The following STARD10 variants were observed in gnomAD, a reference collection of about 807,000 sequenced individuals.
STARD10 encodes START domain-containing protein 10.
STARD10 carries 24 observed loss-of-function variants against 36.0 expected under a neutral mutation model. That is an observed-to-expected ratio of 0.67 (90% CI 0.48 to 0.94). STARD10 has a LOEUF of 0.94. Among genes scored for constraint, STARD10 ranks in the 40% least tolerant of loss-of-function variants. The pLI, the probability that STARD10 is intolerant of heterozygous loss-of-function variation, is 0.00. For missense variants in STARD10, 335 were observed against 396.6 expected (o/e 0.84, Z 1.32); for synonymous variants, 156 against 161.9 (o/e 0.96, Z 0.28).
intron 2 of STARD10, among the ~76,000 whole-genome samples, chr11:72,773,828 G>A (rs556252490): frequency 1.2e-4 from 19 of 152,268 alleles, no homozygotes; most frequent in African/African-American, 3.6e-4. Context: ...TATTTTGCTC[G>A]TCACCCGTTC....
At chr11:72,785,011 T>C (rs994486254) in intron 1 of STARD10, among the ~76,000 whole-genome samples, 1 of 152,150 alleles carries the variant, frequency 6.6e-6, no homozygotes, top group Non-Finnish European at 1.5e-5. Context: ...TAACTCAGGA[T>C]TGATCTAGAC....
chr11:72,781,306 G>T lies in STARD10; in HGVS notation c.-113-12C>A. On this transcript the variant is annotated splice_polypyrimidine_tract_variant and intron_variant, in intron 1 of 6. Coordinates refer to ENST00000334805, the MANE Select transcript of STARD10 (RefSeq NM_006645.3). The surrounding 1 kb of genome is among the most constrained non-coding windows in gnomAD (Gnocchi z 4.7). ...CACCTTCCTGGGACCTGCAAGACCG[G>T]TTTGGGGACGGGAATCAGTGCGCTG... 1.3e-6 allele frequency: 1 copy of T among 794,146 alleles called. No individual in the cohort carries two copies. 49.2% of individuals were successfully genotyped at this position (794,146 alleles called of 1,614,324 possible). A position where few individuals can be genotyped will look rare whatever the true frequency, so the allele number is the denominator to read the frequency against.
At chr11:72,767,387 G>C (rs943028510) in intron 2 of STARD10, among the ~76,000 whole-genome samples, 1 of 152,198 alleles carries the variant, frequency 6.6e-6, no homozygotes, top group Non-Finnish European at 1.5e-5. Flanking sequence ...CCAGAAGGAA[G>C]CATCGCCCCC....
In STARD10 at chr11:72,755,521, G is replaced by A. The variant is rs1219503094; in HGVS notation, c.630+180C>T. 4.2e-6 allele frequency: 3 copies of A among 709,540 alleles called. No homozygotes were observed. The Admixed American group carries it at 6.2e-5, about 15-fold the overall frequency. The allele number at this position is 709,540 out of a possible 1,614,324, so 44.0% of individuals were successfully genotyped here. ...AGACAGGGTTTCACCATGTTGGCCAGGCTGGTCTTGAACTCCCGACCTCAG... is the reference window on the plus strand; with the variant it reads ...AGACAGGGTTTCACCATGTTGGCCAAGCTGGTCTTGAACTCCCGACCTCAG... On this transcript the variant is annotated intron_variant, in intron 6 of 6. Coordinates refer to ENST00000334805, the MANE Select transcript of STARD10 (RefSeq NM_006645.3).
At chr11:72,767,718 G>A (rs1449049484) in intron 2 of STARD10, among the ~76,000 whole-genome samples, 1 of 152,190 alleles carries the variant, frequency 6.6e-6, no homozygotes, top group African/African-American at 2.4e-5. Context: ...CCTGTCGCCT[G>A]CAGGCCCAGA....
At chr11:72,788,003 G>C (rs533673032) in intron 1 of STARD10, among the ~76,000 whole-genome samples, 118 of 147,454 alleles carry the variant, frequency 8.0e-4, no homozygotes, top group South Asian at 2.3e-3. Context: ...GAGAGGTTTG[G>C]GGGGGGCAGC....
At position 72,788,612 on chromosome 11, in the gene STARD10, A is replaced by G. The variant is rs552894450; in HGVS notation, c.-114+4263T>C. 5.6e-4 allele frequency among the ~76,000 whole-genome samples: 84 copies of G among 149,732 alleles called. 1 individual carries two copies. Among genetic ancestry groups the G allele is most frequent in the South Asian group, 2.7e-3 (13 of 4,760 alleles). ...TAGATGGCGTCTCACTCTGTTGCCC[A>G]GGCTGGAGTGCAGTAGCACGATCTC... On this transcript the variant is annotated intron_variant, in intron 1 of 6. Coordinates refer to ENST00000334805, the MANE Select transcript of STARD10 (RefSeq NM_006645.3).
chr11:72,771,013 T>G, intron 2 of STARD10, among the ~76,000 whole-genome samples: 1 of 152,224 alleles, frequency 6.6e-6, no homozygotes, highest in East Asian at 1.9e-4. Flanking sequence ...TGTGCCAGGC[T>G]CTGTGCTAAG....
rs754062872 is a variant in STARD10 at position 72,759,339 on chromosome 11, C to T, written c.250G>A (p.Asp84Asn). The T allele has an allele frequency of 2.3e-5, 37 of 1,613,494 alleles. No homozygotes were observed. Among genetic ancestry groups the T allele is most frequent in the Middle Eastern group, 1.6e-4 (1 of 6,076 alleles). The part of the protein sequence containing the change: ...CCDVPAETLY[D>N]VLHDIEYRKK... ...CGGTACTCAATGTCGTGTAGGACGT[C>T]GTAGAGTGTCTCGGCTGGCACATCA... The change falls in exon 3 of 7, where the codon GAC becomes AAC. Residue 84 changes from aspartate (D) to asparagine (N), a missense_variant. Asp to Asn is a conservative substitution (Grantham distance 23). Transcript: ENST00000334805.
intron 2 of STARD10, among the ~76,000 whole-genome samples, chr11:72,778,947 G>A (rs1179277418): frequency 6.6e-6 from 1 of 152,194 alleles, no homozygotes; most frequent in African/African-American, 2.4e-5. Flanking sequence ...CACCCACAAG[G>A]AAGGCCACCT....
Position 72,754,909 on chromosome 11 carries a change from G to C in STARD10, c.864C>G (p.Thr288=), listed in dbSNP as rs760511645. 6.3e-7 allele frequency: 1 copy of C among 1,599,526 alleles called. No homozygotes were observed. The highest frequency in any genetic ancestry group is 8.5e-7 in the Non-Finnish European group (1 of 1,178,494). ...GAGGEGSDDD[T]SLT is the part of the protein sequence containing the mutation. The stretch of plus-strand genomic sequence containing the variant: ...AGCGGTGCGGCGCTCAGGTGAGCGA[G>C]GTGTCGTCGTCGCTGCCCTCGCCGC... The change falls in exon 7 of 7, where the codon ACC becomes ACG. Residue 288 remains threonine (T), a synonymous_variant. Transcript: ENST00000334805.
At chr11:72,787,343 C>T (rs780646561) in intron 1 of STARD10, among the ~76,000 whole-genome samples, 7 of 152,178 alleles carry the variant, frequency 4.6e-5, no homozygotes, top group Non-Finnish European at 1.0e-4. Context: ...CCGTTGCCTC[C>T]CCTAGGCTCA....
chr11:72,788,750 A>G (rs796265549), intron 1 of STARD10, among the ~76,000 whole-genome samples: 65 of 152,146 alleles, frequency 4.3e-4, no homozygotes, highest in African/African-American at 1.5e-3. Flanking sequence ...TTTAGTAGAG[A>G]TGAGGTTTCA....
chr11:72,757,959 G>A (rs1005646863), intron 4 of STARD10, 75 bp from the exon 5 acceptor site: 20 of 1,187,216 alleles, frequency 1.7e-5, no homozygotes, highest in Admixed American at 1.0e-4. Context: ...ATACACAAAC[G>A]CGCACGCGCA....
chr11:72,765,619 C>G (rs187539856), intron 2 of STARD10, among the ~76,000 whole-genome samples: 2 of 152,226 alleles, frequency 1.3e-5, no homozygotes, highest in African/African-American at 4.8e-5. Flanking sequence ...GCAGCTATCT[C>G]ATGGGGATGT....
chr11:72,781,137 C>G lies in STARD10; in HGVS notation c.45G>C (p.Pro15=), dbSNP rs376320906. Residue 15 remains proline (P), a synonymous_variant, in exon 2 of 7, where the codon CCG becomes CCC. Coordinates refer to ENST00000334805, the MANE Select transcript of STARD10 (RefSeq NM_006645.3). This position sits in a 1 kb window ranked among gnomAD's most constrained non-coding sequence, Gnocchi z 4.7. ...AASTEPQGPR[P]VLGRESVQVP... is the part of the protein sequence containing the mutation. ...CCTGGACACTCTCACGGCCCAGGAC[C>G]GGCCGAGGCCCTTGGGGCTCTGTAG... The G allele has an allele frequency of 6.2e-7, 1 of 1,613,228 alleles. No homozygotes were observed. The highest frequency in any genetic ancestry group is 1.3e-5 in the African/African-American group (1 of 75,056).
intron 1 of STARD10, among the ~76,000 whole-genome samples, chr11:72,787,261 C>T (rs1859085119): frequency 6.6e-6 from 1 of 152,114 alleles, no homozygotes; most frequent in African/African-American, 2.4e-5. Context: ...CCTCTTCCAG[C>T]CTTCTCCCCA....
intron 2 of STARD10, among the ~76,000 whole-genome samples, chr11:72,774,982 G>A (rs1195629589): frequency 6.6e-6 from 1 of 152,206 alleles, no homozygotes; most frequent in African/African-American, 2.4e-5. Context: ...TGGGCAGCTG[G>A]GTGTGGAGGG....
At chr11:72,780,147 G>T (rs1339266013) in intron 2 of STARD10, 4 of 445,638 alleles carry the variant, frequency 9.0e-6, no homozygotes, top group South Asian at 3.1e-5. Flanking sequence ...AGCTATTGAG[G>T]CCCTTAAACC....
Sources: gnomAD v4.1 joint callset for allele counts (sites outside exome capture counted in the v4.1 genomes callset) on GRCh38, gnomAD v4.1.1 for gene constraint, Gnocchi (gnomAD v3.1) non-coding constraint, MANE v1.5 for transcripts, NCBI Gene and HGNC (gene_info 2026-07-23, HGNC 2026-07-21) for gene names.